HAT1: variants seen among roughly 807,000 people sequenced by gnomAD.
HAT1 encodes the protein histone acetyltransferase type B catalytic subunit.
HAT1 carries 20 observed loss-of-function variants against 56.6 expected under a neutral mutation model. The observed-to-expected ratio is 0.35, with a 90% CI of 0.25 to 0.51. The LOEUF (loss-of-function observed/expected upper bound fraction) is 0.51. HAT1 is among the 20% of genes least tolerant of loss of function. The pLI, the probability that HAT1 is intolerant of heterozygous loss-of-function variation, is 0.95. For missense variants in HAT1, 408 were observed against 504.3 expected (o/e 0.81, Z 1.83); for synonymous variants, 146 against 165.5 (o/e 0.88, Z 0.91).
In HAT1 at chr2:171,965,849, G is replaced by T. The variant is rs747856422; in HGVS notation, c.552G>T (p.Trp184Cys). 1 of 1,612,348 alleles carries T rather than the reference G, an allele frequency of 6.2e-7. No individual in the cohort carries two copies. The highest frequency in any genetic ancestry group is 1.7e-5 in the Admixed American group (1 of 60,002). The change falls in exon 6 of 11, where the codon TGG becomes TGT. Residue 184 changes from tryptophan to cysteine, a missense_variant. By Grantham distance (215) the Trp-to-Cys change is radical (BLOSUM62 -2). Coordinates refer to ENST00000264108, the MANE Select transcript of HAT1 (RefSeq NM_003642.4). The part of the protein sequence containing the change: ...YHERLQTFLM[W>C]FIETASFIDV... ...AAAGGCTTCAGACCTTTTTGATGTG[G>T]TTTATTGAAACTGCTAGCTTTATTG... is the stretch of plus-strand genomic sequence containing the variant.
At chr2:171,932,736 G>T (rs940129876) in intron 2 of HAT1, among the ~76,000 whole-genome samples, 2 of 152,068 alleles carry the variant, frequency 1.3e-5, no homozygotes, top group Admixed American at 6.6e-5. Flanking sequence ...AAGCATGGTG[G>T]CATGCACCCA....
intron 4 of HAT1, among the ~76,000 whole-genome samples, chr2:171,959,605 A>G (rs1326246939): frequency 6.6e-6 from 1 of 152,222 alleles, no homozygotes; most frequent in Admixed American, 6.5e-5. Context: ...GTATTCAAAC[A>G]AAGACTTTTT....
chr2:171,940,315 T>G (rs1040691241), intron 2 of HAT1, among the ~76,000 whole-genome samples: 1 of 152,216 alleles, frequency 6.6e-6, no homozygotes, highest in Non-Finnish European at 1.5e-5. Context: ...GTTGTCAACA[T>G]TGGTAGACTC....
At chr2:171,951,647 G>A (rs566425752) in intron 3 of HAT1, among the ~76,000 whole-genome samples, 9 of 145,950 alleles carry the variant, frequency 6.2e-5, no homozygotes, top group Non-Finnish European at 1.2e-4. Context: ...TGGCAGGCAG[G>A]TCTTGAACTC....
At chr2:171,951,813 C>T (rs143064390) in intron 3 of HAT1, among the ~76,000 whole-genome samples, 260 of 152,174 alleles carry the variant, frequency 1.7e-3, no homozygotes, top group African/African-American at 6.0e-3. Flanking sequence ...TACCACTCTT[C>T]TAAGATGGGT....
intron 9 of HAT1, 127 bp downstream of exon 9, chr2:171,976,435 C>T: frequency 2.2e-6 from 1 of 447,618 alleles, no homozygotes; most frequent in Non-Finnish European, 3.7e-6. Flanking sequence ...GTTAACAGTA[C>T]AGCTTTGAAG....
intron 2 of HAT1, among the ~76,000 whole-genome samples, chr2:171,941,794 C>G (rs1687025257): frequency 6.6e-6 from 1 of 152,242 alleles, no homozygotes; most frequent in African/African-American, 2.4e-5. Flanking sequence ...TAACAGGCCA[C>G]AAACCGATAC....
At chr2:171,950,075 A>C (rs912996556) in intron 3 of HAT1, among the ~76,000 whole-genome samples, 1 of 152,174 alleles carries the variant, frequency 6.6e-6, no homozygotes, top group African/African-American at 2.4e-5. Context: ...GACATAGTGG[A>C]CATTTAAATA....
intron 2 of HAT1, among the ~76,000 whole-genome samples, chr2:171,939,586 G>A (rs567669868): frequency 2.6e-5 from 4 of 152,176 alleles, no homozygotes; most frequent in Non-Finnish European, 5.9e-5. Context: ...TCTCACTTCT[G>A]TGTATAAGAG....
At chr2:171,944,717 T>C (rs930484759) in intron 2 of HAT1, among the ~76,000 whole-genome samples, 1 of 152,322 alleles carries the variant, frequency 6.6e-6, no homozygotes, top group Middle Eastern at 3.4e-3. Flanking sequence ...TGAATGATGC[T>C]AAGTTAGATC....
intron 7 of HAT1, 101 bp from the exon 8 acceptor site, chr2:171,966,742 A>G (rs1346521607): frequency 3.0e-6 from 2 of 659,606 alleles, no homozygotes; most frequent in Non-Finnish European, 5.3e-6. Flanking sequence ...TGAAAAAAAG[A>G]TCACACAAAC....
At chr2:171,938,026 C>CTCAT (rs1686915240) in intron 2 of HAT1, among the ~76,000 whole-genome samples, 10 of 44,528 alleles carry the variant, frequency 2.2e-4, no homozygotes, top group Non-Finnish European at 5.1e-4. Flanking sequence ...TCTACTGATT[C>CTCAT]TCTCTCTCTC....
At position 171,946,816 on chromosome 2, in the gene HAT1, G is replaced by A. The variant is rs997530726; in HGVS notation, c.188+33G>A. On this transcript the variant is annotated intron_variant, in intron 3 of 10. Transcript: ENST00000264108. ...ACTTAGTAAAATATTTGTCAAATTA[G>A]TATGGAAAAAAAAATTTTCATTCTT... The A allele has an allele frequency of 3.0e-6, 3 of 994,676 alleles. No homozygotes were observed. In the South Asian group the frequency reaches 4.8e-5, roughly 16 times the overall value. 61.6% of individuals were successfully genotyped at this position (994,676 alleles called of 1,614,324 possible).
intron 8 of HAT1, among the ~76,000 whole-genome samples, chr2:171,972,811 C>T (rs545414278): frequency 1.3e-5 from 2 of 152,350 alleles, no homozygotes; most frequent in East Asian, 3.9e-4. Context: ...TCCTCTCTTT[C>T]TTCCTCTTGG....
At chr2:171,972,973 A>T (rs966826751) in intron 8 of HAT1, among the ~76,000 whole-genome samples, 2 of 152,124 alleles carry the variant, frequency 1.3e-5, no homozygotes, top group African/African-American at 4.8e-5. Flanking sequence ...CTTTCTGGTT[A>T]TCTATGGCAT....
At chr2:171,966,198 C>T (rs1687679395) in intron 6 of HAT1, 1 of 623,574 alleles carries the variant, frequency 1.6e-6, no homozygotes, top group Non-Finnish European at 2.9e-6. Flanking sequence ...TAGGCAAGTG[C>T]ACTGAAGTGA....
chr2:171,976,327 A>C lies in HAT1; in HGVS notation c.975+19A>C. The C allele has an allele frequency of 1.4e-6, 2 of 1,453,570 alleles. No homozygotes were observed. The highest frequency in any genetic ancestry group is 1.9e-6 in the Non-Finnish European group (2 of 1,071,030). 90.0% of individuals were successfully genotyped at this position (1,453,570 alleles called of 1,614,324 possible). A position where few individuals can be genotyped will look rare whatever the true frequency, so the allele number is the denominator to read the frequency against. ...AAATAAGGTATTTTTATTCTGTAGG[A>C]GGAAAACAGATTTAAATTACAAACA... On this transcript the variant is annotated intron_variant, in intron 9 of 10. Coordinates refer to ENST00000264108, the MANE Select transcript of HAT1 (RefSeq NM_003642.4).
In HAT1 at chr2:171,966,369, G is replaced by A. The variant is rs760958845; in HGVS notation, c.612-40G>A. On this transcript the variant is annotated intron_variant, in intron 6 of 10. Coordinates refer to ENST00000264108, the MANE Select transcript of HAT1 (RefSeq NM_003642.4). ...GAAAATGGACACTGCATGGGAGCGC[G>A]ACTGTAATTGACCTGCTTGGCTTTC... 1.1e-4 allele frequency: 107 copies of A among 997,502 alleles called. 1 individual carries two copies. The East Asian group carries it at 2.3e-3, about 22-fold the overall frequency. The allele number at this position is 997,502 out of a possible 1,614,324, so 61.8% of individuals were successfully genotyped here.
At chr2:171,939,126 T>G (rs1686952005) in intron 2 of HAT1, among the ~76,000 whole-genome samples, 3 of 152,210 alleles carry the variant, frequency 2.0e-5, no homozygotes, top group Admixed American at 2.0e-4. Context: ...TCACCTGACT[T>G]ATTCAAAAAT....
Sources: gnomAD v4.1 joint callset for allele counts (sites outside exome capture counted in the v4.1 genomes callset) on GRCh38, gnomAD v4.1.1 for gene constraint, MANE v1.5 for transcripts, NCBI Gene and HGNC (gene_info 2026-07-23, HGNC 2026-07-21) for gene names.